CNTNAP5: variants seen among roughly 807,000 people sequenced by gnomAD.
The protein encoded by CNTNAP5 is contactin-associated protein-like 5.
A neutral mutation model predicts 150.2 loss-of-function variants in CNTNAP5; 72 were observed. The ratio of observed to expected loss-of-function variants is 0.48; its 90% CI spans 0.40 to 0.58. The LOEUF (loss-of-function observed/expected upper bound fraction) is 0.58, where lower values mean the gene tolerates loss of function less well. Ranked by LOEUF, CNTNAP5 falls within the 20% of genes least tolerant of loss-of-function variation. CNTNAP5 has a pLI of 0.00. For synonymous variants in CNTNAP5, 672 were observed against 619.8 expected (o/e 1.08, Z -1.25); for missense variants, 1,636 against 1,626.2 (o/e 1.01, Z -0.10).
intron 19 of CNTNAP5, among the ~76,000 whole-genome samples, chr2:124,804,545 G>T (rs1385598105): frequency 6.6e-6 from 1 of 152,142 alleles, no homozygotes; most frequent in Non-Finnish European, 1.5e-5. Flanking sequence ...GAAATTATAA[G>T]ATCGGAGCCC....
At chr2:124,522,265 C>G (rs569738499) in intron 8 of CNTNAP5, among the ~76,000 whole-genome samples, 1 of 152,308 alleles carries the variant, frequency 6.6e-6, no homozygotes, top group South Asian at 2.1e-4. Context: ...TGGGGCTGCT[C>G]TGGTAGGCTC....
Position 124,474,664 on chromosome 2 carries a change from C to T in CNTNAP5, c.919-75C>T, listed in dbSNP as rs1014817930. On this transcript the variant is annotated intron_variant, in intron 6 of 23. Coordinates refer to ENST00000682447, the MANE Select transcript of CNTNAP5 (RefSeq NM_001367498.1). Reference sequence around the variant, plus strand: ...AGCATACAATTGAATCTACCAAAAACGCACGTGTTTACTTTCCTTTCCTAA... The same window carrying T: ...AGCATACAATTGAATCTACCAAAAATGCACGTGTTTACTTTCCTTTCCTAA... The T allele has an allele frequency of 6.2e-6, 8 of 1,295,392 alleles. No homozygotes were observed. The East Asian group carries it at 1.6e-4, about 26-fold the overall frequency. The allele number at this position is 1,295,392 out of a possible 1,614,324, so 80.2% of individuals were successfully genotyped here.
chr2:124,874,992 T>C (rs2104731348), intron 21 of CNTNAP5, among the ~76,000 whole-genome samples: 1 of 152,182 alleles, frequency 6.6e-6, no homozygotes, highest in East Asian at 1.9e-4. Flanking sequence ...GAATTTCTTC[T>C]CAAGATGCAT....
chr2:124,302,311 G>A (rs1688583631), intron 3 of CNTNAP5, among the ~76,000 whole-genome samples: 1 of 152,212 alleles, frequency 6.6e-6, no homozygotes, highest in Non-Finnish European at 1.5e-5. Flanking sequence ...CCTTTGCTCT[G>A]TTTCACATTT....
chr2:124,252,813 A>G (rs964156600), intron 3 of CNTNAP5, among the ~76,000 whole-genome samples: 1 of 152,146 alleles, frequency 6.6e-6, no homozygotes. Context: ...TTGAGGTATT[A>G]AAGTTTGCAA....
intron 21 of CNTNAP5, among the ~76,000 whole-genome samples, chr2:124,898,415 C>A (rs541682492): frequency 6.6e-6 from 1 of 151,540 alleles, no homozygotes. Context: ...ATCCTGGATT[C>A]ATTCTATCAC....
At chr2:124,259,962 A>G (rs984914945) in intron 3 of CNTNAP5, among the ~76,000 whole-genome samples, 4 of 152,178 alleles carry the variant, frequency 2.6e-5, no homozygotes, top group Admixed American at 2.6e-4. Context: ...TATAGATTCA[A>G]TGCCATCCCC....
chr2:124,716,617 A>G (rs1679950416), intron 13 of CNTNAP5, among the ~76,000 whole-genome samples: 1 of 152,120 alleles, frequency 6.6e-6, no homozygotes, highest in South Asian at 2.1e-4. Flanking sequence ...ATATTTCTCT[A>G]TACTCCTTCC....
At chr2:124,330,073 G>A (rs541974728) in intron 3 of CNTNAP5, among the ~76,000 whole-genome samples, 14 of 152,176 alleles carry the variant, frequency 9.2e-5, no homozygotes, top group Admixed American at 2.6e-4. Flanking sequence ...CTTGAGGCTC[G>A]AAATAGCATG....
intron 13 of CNTNAP5, among the ~76,000 whole-genome samples, chr2:124,735,704 G>C (rs1021360896): frequency 6.6e-6 from 1 of 152,128 alleles, no homozygotes; most frequent in African/African-American, 2.4e-5. Flanking sequence ...GGGATTTGGA[G>C]CCATAAGATC....
rs372919830 is a variant in CNTNAP5, at chr2:124,423,826, G to A, written c.529+6236G>A. On this transcript the variant is annotated intron_variant, in intron 4 of 23. Transcript: ENST00000682447. The stretch of plus-strand genomic sequence containing the variant: ...ACTACAGGCGCCCGCTACCACGCCC[G>A]GCTAATTTTTTGTATTTTTAGTAGA... Among the ~76,000 whole-genome samples, 137 of 141,474 alleles carry A rather than the reference G, an allele frequency of 9.7e-4. 1 individual carries two copies. The highest frequency in any genetic ancestry group is 3.5e-3 in the African/African-American group (133 of 37,840). The allele number at this position is 141,474 out of a possible 152,430, so 92.8% of individuals were successfully genotyped here. A position where few individuals can be genotyped will look rare whatever the true frequency, so the allele number is the denominator to read the frequency against.
At chr2:124,206,896 G>A (rs952487547) in intron 1 of CNTNAP5, among the ~76,000 whole-genome samples, 5 of 152,106 alleles carry the variant, frequency 3.3e-5, no homozygotes, top group African/African-American at 1.2e-4. Context: ...TGAAGGCACA[G>A]GTTGCAGGCA....
At chr2:124,427,527 G>A (rs1466880926) in intron 4 of CNTNAP5, among the ~76,000 whole-genome samples, 1 of 151,774 alleles carries the variant, frequency 6.6e-6, no homozygotes, top group African/African-American at 2.4e-5. Flanking sequence ...CACAATCTTG[G>A]CTCACTCCAA....
intron 20 of CNTNAP5, among the ~76,000 whole-genome samples, chr2:124,867,648 A>G (rs939518274): frequency 6.6e-6 from 1 of 151,974 alleles, no homozygotes; most frequent in Non-Finnish European, 1.5e-5. Context: ...TCATCTCTCA[A>G]AACTCTACCC....
intron 1 of CNTNAP5, among the ~76,000 whole-genome samples, chr2:124,214,643 G>A (rs1438220622): frequency 6.6e-6 from 1 of 152,214 alleles, no homozygotes; most frequent in African/African-American, 2.4e-5. Context: ...CAGGCAGAAG[G>A]CTCAGGACTC....
chr2:124,681,627 G>A (rs1187496650), intron 13 of CNTNAP5, among the ~76,000 whole-genome samples: 2 of 152,110 alleles, frequency 1.3e-5, no homozygotes, highest in Admixed American at 6.5e-5. Flanking sequence ...GCAGTGCTAC[G>A]ATCTCTGCTC....
At chr2:124,893,298 T>C (rs1573693356) in intron 21 of CNTNAP5, among the ~76,000 whole-genome samples, 1 of 152,220 alleles carries the variant, frequency 6.6e-6, no homozygotes, top group East Asian at 1.9e-4. Flanking sequence ...ATCAGGCCCT[T>C]AAAGCAGAAT....
intron 3 of CNTNAP5, among the ~76,000 whole-genome samples, chr2:124,246,945 T>A (rs1529290): frequency 6.6e-6 from 1 of 152,050 alleles, no homozygotes; most frequent in Admixed American, 6.6e-5. Flanking sequence ...GCTTTTGGCC[T>A]GTGCACTCTG....
At chr2:124,288,245 A>C (rs1331490554) in intron 3 of CNTNAP5, among the ~76,000 whole-genome samples, 1 of 152,194 alleles carries the variant, frequency 6.6e-6, no homozygotes, top group East Asian at 1.9e-4. Context: ...AGTATCTTTT[A>C]GTACTAAAGA....
Sources: gnomAD v4.1 joint callset for allele counts (sites outside exome capture counted in the v4.1 genomes callset) on GRCh38, gnomAD v4.1.1 for gene constraint, MANE v1.5 for transcripts, NCBI Gene and HGNC (gene_info 2026-07-23, HGNC 2026-07-21) for gene names.